ZFHX3: variants seen among roughly 807,000 people sequenced by gnomAD.
The protein encoded by ZFHX3 is zinc finger homeobox protein 3.
In ZFHX3, 42 loss-of-function variants were observed where a neutral mutation model predicts 279.1. The observed-to-expected ratio is 0.15, with a 90% CI of 0.12 to 0.19. ZFHX3 has a LOEUF of 0.19. ZFHX3 is among the 10% of genes least tolerant of loss of function. The probability of loss-of-function intolerance (pLI) is 1.00; values close to 1 mark genes in which losing one functional copy is unlikely to be tolerated. For synonymous variants in ZFHX3, 2,293 were observed against 1,957.8 expected, an observed-to-expected ratio of 1.17 and a Z score of -4.52; for missense variants, 4,981 against 4,754.0, an observed-to-expected ratio of 1.05 and a Z score of -1.40.
intron 3 of ZFHX3, among the ~76,000 whole-genome samples, chr16:73,412,953 C>T (rs1348947609): frequency 2.0e-5 from 3 of 152,206 alleles, no homozygotes; most frequent in East Asian, 1.9e-4. Flanking sequence ...TTAACAGGAG[C>T]GATCAACTCA....
chr16:73,770,508 G>A (rs539669365), intron 1 of ZFHX3, among the ~76,000 whole-genome samples: 46 of 152,274 alleles, frequency 3.0e-4, no homozygotes, highest in African/African-American at 1.0e-3. Context: ...TTCTAGGATG[G>A]TCAGTTATGT....
chr16:73,338,472 G>A (rs969931965), intron 3 of ZFHX3, among the ~76,000 whole-genome samples: 1 of 152,052 alleles, frequency 6.6e-6, no homozygotes, highest in Non-Finnish European at 1.5e-5. Flanking sequence ...ATCCTCTGCA[G>A]CTTGGTTCAG....
chr16:73,266,840 A>G (rs899925283), intron 4 of ZFHX3, among the ~76,000 whole-genome samples: 1 of 152,180 alleles, frequency 6.6e-6, no homozygotes, highest in Non-Finnish European at 1.5e-5. Context: ...GCCTTCCGCC[A>G]TGATTGTGAG....
intron 3 of ZFHX3, among the ~76,000 whole-genome samples, chr16:73,374,736 A>T (rs2016692315): frequency 6.6e-6 from 1 of 151,828 alleles, no homozygotes; most frequent in Non-Finnish European, 1.5e-5. Context: ...CTGGGTTTTT[A>T]AAAAAATTGT....
At chr16:73,384,561 G>C (rs2016867224) in intron 3 of ZFHX3, among the ~76,000 whole-genome samples, 1 of 152,206 alleles carries the variant, frequency 6.6e-6, no homozygotes, top group Non-Finnish European at 1.5e-5. Flanking sequence ...CCTGTACACA[G>C]CATGAACTTG....
intron 4 of ZFHX3, among the ~76,000 whole-genome samples, chr16:73,308,314 G>A (rs2015241940): frequency 7.6e-6 from 1 of 130,788 alleles, no homozygotes; most frequent in African/African-American, 2.8e-5. Flanking sequence ...TTTCACTCTT[G>A]TCACCCAGGC....
At chr16:73,262,449 G>T (rs1044633576) in intron 4 of ZFHX3, among the ~76,000 whole-genome samples, 3 of 152,202 alleles carry the variant, frequency 2.0e-5, no homozygotes, top group African/African-American at 4.8e-5. Context: ...CACTAGTTGT[G>T]TGACCTGGAG....
intron 1 of ZFHX3, among the ~76,000 whole-genome samples, chr16:73,749,091 A>G (rs2053732426): frequency 1.3e-5 from 2 of 151,984 alleles, no homozygotes; most frequent in Admixed American, 6.5e-5. Flanking sequence ...CCCGGCCCCA[A>G]ACTCACCTTT....
chr16:72,957,939 G>C lies in ZFHX3; in HGVS notation c.2207C>G (p.Thr736Ser). Residue 736 changes from threonine to serine, a missense_variant, in exon 2 of 10, where the codon ACT (threonine) becomes AGT (serine). Physicochemically the swap from Thr to Ser is moderately conservative, Grantham distance 58 (BLOSUM62 1). This residue lies in a region of ZFHX3 where 39 missense variants were observed against 68.2 expected (regional missense o/e 0.57). Coordinates refer to ENST00000268489, the MANE Select transcript of ZFHX3 (RefSeq NM_006885.4). ...ATGAATACTGAGGTTGCCTTTGGTA[G>C]TTGTGGAGTAGTTACACACCTCGCA... ...FRCEVCNYST[T>S]TKGNLSIHMQ... 1.9e-6 allele frequency: 3 copies of C among 1,614,202 alleles called. No homozygotes were observed. Among genetic ancestry groups the C allele is most frequent in the Non-Finnish European group, 2.5e-6 (3 of 1,180,046 alleles).
At chr16:73,765,364 A>G (rs1245180121) in intron 1 of ZFHX3, among the ~76,000 whole-genome samples, 2 of 152,224 alleles carry the variant, frequency 1.3e-5, no homozygotes, top group African/African-American at 4.8e-5. Flanking sequence ...ATGTGTGTAT[A>G]TGGGGGAAAT....
intron 2 of ZFHX3, among the ~76,000 whole-genome samples, chr16:73,606,305 C>T (rs2052182188): frequency 6.7e-6 from 1 of 150,104 alleles, no homozygotes; most frequent in Non-Finnish European, 1.5e-5. Context: ...GTCAGGAGTC[C>T]GAGACCAGCC....
intron 4 of ZFHX3, among the ~76,000 whole-genome samples, chr16:73,275,771 T>C (rs966550793): frequency 1.3e-5 from 2 of 152,226 alleles, no homozygotes; most frequent in East Asian, 1.9e-4. Context: ...TTGGAAAAAC[T>C]GTGCAAATAC....
intron 1 of ZFHX3, among the ~76,000 whole-genome samples, chr16:73,843,601 T>C (rs1300055218): frequency 6.6e-6 from 1 of 152,210 alleles, no homozygotes; most frequent in African/African-American, 2.4e-5. Context: ...TAGGAAATAT[T>C]GAAAACCCAA....
intron 8 of ZFHX3, among the ~76,000 whole-genome samples, chr16:73,066,245 C>G (rs62055087): frequency 0.026 from 4,001 of 152,290 alleles, 52 homozygotes; most frequent in East Asian, 0.04. Context: ...GCGCCCTTCT[C>G]GTGTCTGCTC....
intron 1 of ZFHX3, among the ~76,000 whole-genome samples, chr16:73,018,458 T>C (rs1424364385): frequency 6.6e-5 from 10 of 152,050 alleles, no homozygotes; most frequent in African/African-American, 2.4e-4. Flanking sequence ...CCACAAAAAA[T>C]TACCTGGGCA....
chr16:73,366,730 G>A (rs1198349668), intron 3 of ZFHX3, among the ~76,000 whole-genome samples: 1 of 152,128 alleles, frequency 6.6e-6, no homozygotes, highest in South Asian at 2.1e-4. Flanking sequence ...GTGTGTGTGT[G>A]TGCGTGCACA....
chr16:73,556,440 G>A (rs1430411848), intron 2 of ZFHX3, among the ~76,000 whole-genome samples: 4 of 152,164 alleles, frequency 2.6e-5, no homozygotes, highest in Admixed American at 6.5e-5. Flanking sequence ...CTTCAAAAGA[G>A]GCAGTCAGAG....
At chr16:73,522,423 G>C (rs186411285) in intron 2 of ZFHX3, among the ~76,000 whole-genome samples, 18 of 152,176 alleles carry the variant, frequency 1.2e-4, no homozygotes, top group Non-Finnish European at 2.4e-4. Context: ...GCTAAGGAAT[G>C]GGGGGAGTTC....
At chr16:73,790,047 T>C (rs1020983328) in intron 1 of ZFHX3, among the ~76,000 whole-genome samples, 3 of 152,146 alleles carry the variant, frequency 2.0e-5, no homozygotes, top group African/African-American at 7.2e-5. Flanking sequence ...AATTCAGCCA[T>C]AAAAATTTGC....
Sources: gnomAD v4.1 joint callset for allele counts (sites outside exome capture counted in the v4.1 genomes callset) on GRCh38, gnomAD v4.1.1 for gene constraint, gnomAD v4.1.1 regional missense constraint, MANE v1.5 for transcripts, NCBI Gene and HGNC (gene_info 2026-07-23, HGNC 2026-07-21) for gene names.